ASCC3: variants seen among roughly 807,000 people sequenced by gnomAD.
ASCC3 encodes the protein ASC-1 complex subunit P200.
A neutral mutation model predicts 256.3 loss-of-function variants in ASCC3; 158 were observed. The ratio of observed to expected loss-of-function variants is 0.62; its 90% CI spans 0.54 to 0.70. The LOEUF (loss-of-function observed/expected upper bound fraction) is 0.70, where lower values mean the gene tolerates loss of function less well. ASCC3 is among the 30% of genes least tolerant of loss of function. ASCC3 has a pLI of 0.00. For missense variants in ASCC3, 2,259 were observed against 2,626.0 expected (o/e 0.86, Z 3.05); for synonymous variants, 948 against 883.4 (o/e 1.07, Z -1.30).
At chr6:100,519,163 C>T (rs1006339554) in intron 37 of ASCC3, among the ~76,000 whole-genome samples, 3 of 152,026 alleles carry the variant, frequency 2.0e-5, no homozygotes, top group African/African-American at 7.2e-5. Flanking sequence ...TTGAATATCC[C>T]ACTCTGTTCT....
At chr6:100,868,060 T>C in intron 1 of ASCC3, 22 bp from the exon 2 acceptor site, 2 of 1,312,022 alleles carry the variant, frequency 1.5e-6, no homozygotes, top group Non-Finnish European at 2.2e-6. Flanking sequence ...CAAGATGATA[T>C]TTATCTGTTC....
chr6:100,550,551 A>G (rs920362724), intron 36 of ASCC3, among the ~76,000 whole-genome samples: 4 of 152,020 alleles, frequency 2.6e-5, no homozygotes, highest in African/African-American at 9.7e-5. Flanking sequence ...CTCCAATGGT[A>G]GAGGAAAACT....
chr6:100,698,734 G>GA (rs1031094785), intron 13 of ASCC3, among the ~76,000 whole-genome samples: 1 of 151,996 alleles, frequency 6.6e-6, no homozygotes, highest in East Asian at 1.9e-4. Context: ...ACCACAGAGG[G>GA]AAAAAAATCC....
chr6:100,522,462 G>A (rs182383731), intron 37 of ASCC3, among the ~76,000 whole-genome samples: 404 of 152,244 alleles, frequency 2.7e-3, no homozygotes, highest in African/African-American at 8.8e-3. Flanking sequence ...TAAGTGAGGT[G>A]CTACTATGAA....
chr6:100,637,169 C>A (rs1326189330), intron 25 of ASCC3, among the ~76,000 whole-genome samples: 1 of 152,150 alleles, frequency 6.6e-6, no homozygotes, highest in East Asian at 1.9e-4. Flanking sequence ...GGGACTAATG[C>A]AACTGGTGAC....
At chr6:100,803,722 T>C (rs1770034360) in intron 5 of ASCC3, among the ~76,000 whole-genome samples, 3 of 152,106 alleles carry the variant, frequency 2.0e-5, no homozygotes, top group Admixed American at 2.0e-4. Flanking sequence ...TCTGAGAACA[T>C]GTATTAGTAA....
At chr6:100,577,039 A>G (rs559601474) in intron 36 of ASCC3, among the ~76,000 whole-genome samples, 34 of 151,430 alleles carry the variant, frequency 2.2e-4, no homozygotes, top group Middle Eastern at 3.4e-3. Flanking sequence ...AAAAAAAAAA[A>G]GCCCACAATA....
At chr6:100,723,039 G>A (rs1435882037) in intron 11 of ASCC3, among the ~76,000 whole-genome samples, 2 of 151,530 alleles carry the variant, frequency 1.3e-5, no homozygotes, top group Non-Finnish European at 3.0e-5. Context: ...ATATATAGAA[G>A]TGAAAACACA....
chr6:100,535,233 T>A (rs1775102272), intron 37 of ASCC3, among the ~76,000 whole-genome samples: 1 of 152,138 alleles, frequency 6.6e-6, no homozygotes, highest in African/African-American at 2.4e-5. Context: ...TAATTTTCAA[T>A]CAGCCAGCAG....
intron 37 of ASCC3, among the ~76,000 whole-genome samples, chr6:100,523,475 T>G (rs1420747857): frequency 1.3e-5 from 2 of 152,148 alleles, no homozygotes; most frequent in East Asian, 1.9e-4. Context: ...ATAAATTATC[T>G]GCTTCCAGAG....
At chr6:100,544,940 C>CATTT (rs1316697936) in intron 36 of ASCC3, among the ~76,000 whole-genome samples, 1 of 152,104 alleles carries the variant, frequency 6.6e-6, no homozygotes, top group East Asian at 1.9e-4. Flanking sequence ...AATATATAAA[C>CATTT]AGAATAATAC....
Position 100,608,503 on chromosome 6 carries a change from TAC to T in ASCC3, c.4786-1417_4786-1416del, listed in dbSNP as rs1178169531. 5.4e-4 allele frequency among the ~76,000 whole-genome samples: 3 copies of T among 5,570 alleles called. 1 individual carries two copies. The highest frequency in any genetic ancestry group is 1.1e-3 in the African/African-American group (2 of 1,740). The allele number at this position is 5,570 out of a possible 152,430, so 3.7% of individuals were successfully genotyped here. A position where few individuals can be genotyped will look rare whatever the true frequency, so the allele number is the denominator to read the frequency against. On this transcript the variant is annotated intron_variant, in intron 30 of 41. Coordinates refer to ENST00000369162, the MANE Select transcript of ASCC3 (RefSeq NM_006828.4). Reference sequence around the variant, plus strand: ...TTTATATATATACTTTATATATATATACTTTATATATATACTTTATATATATA... The same window carrying T: ...TTTATATATATACTTTATATATATATTTTATATATATACTTTATATATATA...
intron 13 of ASCC3, among the ~76,000 whole-genome samples, chr6:100,701,829 GAAGAGAAT>G (rs1778369630): frequency 2.0e-5 from 3 of 152,106 alleles, no homozygotes; most frequent in African/African-American, 7.2e-5. Flanking sequence ...ACAACTAAGT[GAAGAGAAT>G]AAGGATGTGT....
chr6:100,603,306 C>T lies in ASCC3; in HGVS notation c.5178-1371G>A, dbSNP rs532342065. 9.9e-5 allele frequency among the ~76,000 whole-genome samples: 15 copies of T among 152,074 alleles called. No individual in the cohort carries two copies. The South Asian group carries it at 2.5e-3, about 25-fold the overall frequency. ...AAAAATTACATAAATTATATAGGTA[C>T]AACACAATTAATTATTACAATGTGA... is the stretch of plus-strand genomic sequence containing the variant. On this transcript the variant is annotated intron_variant, in intron 33 of 41. Coordinates refer to ENST00000369162, the MANE Select transcript of ASCC3 (RefSeq NM_006828.4).
At position 100,516,330 on chromosome 6, in the gene ASCC3, A is replaced by G; in HGVS notation, c.5928-3T>C. 6.2e-7 allele frequency: 1 copy of G among 1,613,572 alleles called. No homozygotes were observed. Among genetic ancestry groups the G allele is most frequent in the Non-Finnish European group, 8.5e-7 (1 of 1,179,626 alleles). On this transcript the variant is annotated splice_polypyrimidine_tract_variant and splice_region_variant and intron_variant, in intron 38 of 41. Transcript: ENST00000369162. ...CCTTCATAATCGGCTTCCATTTCCT[A>G]GGAAATAATATCAAACCAACCAAAT...
intron 11 of ASCC3, among the ~76,000 whole-genome samples, chr6:100,720,464 A>T (rs1779276054): frequency 6.6e-6 from 1 of 151,892 alleles, no homozygotes; most frequent in African/African-American, 2.4e-5. Context: ...GCATTACATA[A>T]TTTGGCATTT....
chr6:100,756,301 A>C (rs1350124211), intron 10 of ASCC3, among the ~76,000 whole-genome samples: 1 of 151,952 alleles, frequency 6.6e-6, no homozygotes, highest in Non-Finnish European at 1.5e-5. Flanking sequence ...TTCTTTTATC[A>C]ATTTTCTTCC....
chr6:100,761,460 C>T (rs1781419136), intron 10 of ASCC3, among the ~76,000 whole-genome samples: 1 of 152,008 alleles, frequency 6.6e-6, no homozygotes. Context: ...TGTAGTCCAG[C>T]CTTGGTGACA....
chr6:100,855,110 C>CTTT (rs66722196), intron 3 of ASCC3, among the ~76,000 whole-genome samples: 5 of 147,880 alleles, frequency 3.4e-5, no homozygotes, highest in Non-Finnish European at 4.5e-5. Flanking sequence ...TGTCAAGAAC[C>CTTT]TTTTTTTTTT....
Sources: gnomAD v4.1 joint callset for allele counts (sites outside exome capture counted in the v4.1 genomes callset) on GRCh38, gnomAD v4.1.1 for gene constraint, MANE v1.5 for transcripts, NCBI Gene and HGNC (gene_info 2026-07-23, HGNC 2026-07-21) for gene names.